The following ERAP1 variants were observed in gnomAD, a reference collection of about 807,000 sequenced individuals.
The protein encoded by ERAP1 is adipocyte-derived leucine aminopeptidase.
ERAP1 carries 86 observed loss-of-function variants against 103.7 expected under a neutral mutation model. The observed-to-expected ratio is 0.83, with a 90% CI of 0.70 to 0.99. The LOEUF (loss-of-function observed/expected upper bound fraction) is 0.99. ERAP1 is among the 50% of genes least tolerant of loss of function. The pLI is 0.00. For missense variants in ERAP1, 1,009 were observed against 1,128.4 expected (o/e 0.89, Z 1.52); for synonymous variants, 398 against 402.4 (o/e 0.99, Z 0.13).
chr5:96,790,110 C>T (rs576965326), intron 10 of ERAP1, among the ~76,000 whole-genome samples, 186 bp downstream of exon 10: 11 of 152,172 alleles, frequency 7.2e-5, no homozygotes, highest in Non-Finnish European at 1.3e-4. Context: ...CTGCAACCCT[C>T]CAGTATAGAT....
At chr5:96,933,211 CTTTTT>C in the ERAP1 span, among the ~76,000 whole-genome samples, 1 of 72,808 alleles carries the variant, frequency 1.4e-5, no homozygotes, top group African/African-American at 6.0e-5. Flanking sequence ...AAAACCACGT[CTTTTT>C]TTTTTTTTTT....
the ERAP1 span, among the ~76,000 whole-genome samples, chr5:96,909,309 T>C: frequency 2.0e-5 from 3 of 152,218 alleles, no homozygotes; most frequent in Admixed American, 2.0e-4. Flanking sequence ...ACCAGGATCA[T>C]GTGCAAAACA....
At chr5:96,839,870 G>A in the ERAP1 span, among the ~76,000 whole-genome samples, 2 of 152,028 alleles carry the variant, frequency 1.3e-5, no homozygotes, top group African/African-American at 4.8e-5. Flanking sequence ...CAAATCTCCT[G>A]ACCTCATCTG....
the ERAP1 span, chr5:96,909,071 A>G: frequency 2.5e-6 from 4 of 1,614,170 alleles, no homozygotes; most frequent in Non-Finnish European, 3.4e-6. Flanking sequence ...TCGTTTTACC[A>G]CATGATGGAC....
At chr5:96,799,306 CA>C (rs1777728664) in intron 3 of ERAP1, among the ~76,000 whole-genome samples, 1 of 152,088 alleles carries the variant, frequency 6.6e-6, no homozygotes, top group African/African-American at 2.4e-5. Flanking sequence ...TTCTGGTCTC[CA>C]AAAAGATCTT....
At chr5:96,827,172 G>A in the ERAP1 span, among the ~76,000 whole-genome samples, 6 of 151,952 alleles carry the variant, frequency 3.9e-5, no homozygotes, top group Non-Finnish European at 8.8e-5. Flanking sequence ...CTGCTTTTTT[G>A]CTTGGATTTT....
intron 8 of ERAP1, among the ~76,000 whole-genome samples, chr5:96,791,807 AT>A (rs1254986195): frequency 1.3e-5 from 2 of 152,248 alleles, no homozygotes; most frequent in Non-Finnish European, 2.9e-5. Flanking sequence ...TGAATGATGA[AT>A]AAAAGCAGAG....
chr5:96,898,774 A>G, the ERAP1 span, among the ~76,000 whole-genome samples: 5 of 151,976 alleles, frequency 3.3e-5, no homozygotes, highest in Non-Finnish European at 7.4e-5. Context: ...CAAAAAACAT[A>G]TAAAGATGCT....
At chr5:96,883,690 T>C in the ERAP1 span, 4 of 1,176,172 alleles carry the variant, frequency 3.4e-6, no homozygotes, top group Non-Finnish European at 4.7e-6. Context: ...AGAAATCAAG[T>C]CTATTACCCC....
chr5:96,828,070 T>C, the ERAP1 span, among the ~76,000 whole-genome samples: 1 of 152,226 alleles, frequency 6.6e-6, no homozygotes, highest in African/African-American at 2.4e-5. Flanking sequence ...TTATTTCAAA[T>C]TTTAGCCTGA....
At chr5:96,872,865 T>C in the ERAP1 span, among the ~76,000 whole-genome samples, 1 of 152,164 alleles carries the variant, frequency 6.6e-6, no homozygotes, top group Non-Finnish European at 1.5e-5. Context: ...GAGAACACCC[T>C]AAGAGGATAG....
the ERAP1 span, among the ~76,000 whole-genome samples, chr5:96,891,618 C>A: frequency 3.1e-4 from 46 of 150,782 alleles, no homozygotes; most frequent in African/African-American, 1.0e-3. Context: ...GTGCATTATA[C>A]CTGAGTTGTT....
the ERAP1 span, chr5:96,875,860 G>C: frequency 6.6e-6 from 1 of 152,332 alleles, no homozygotes; most frequent in Non-Finnish European, 1.5e-5. Context: ...TACTGGAAAG[G>C]ATAAAGAGAG....
downstream of ERAP1, chr5:96,769,799 A>G (rs1211069041): frequency 6.7e-6 from 1 of 149,094 alleles, no homozygotes; most frequent in African/African-American, 2.5e-5. Flanking sequence ...TTTTTCTTTT[A>G]TATATATTCT....
the ERAP1 span, chr5:96,912,893 A>G: frequency 1.0e-6 from 1 of 980,042 alleles, no homozygotes; most frequent in African/African-American, 1.7e-5. Flanking sequence ...AAGGCATAAG[A>G]TAATTGAATC....
At chr5:96,838,509 A>G in the ERAP1 span, among the ~76,000 whole-genome samples, 1 of 152,224 alleles carries the variant, frequency 6.6e-6, no homozygotes, top group African/African-American at 2.4e-5. Flanking sequence ...ATAGATAGTG[A>G]TATAATAGTT....
the ERAP1 span, among the ~76,000 whole-genome samples, chr5:96,829,260 GT>G: frequency 6.6e-6 from 1 of 152,038 alleles, no homozygotes; most frequent in African/African-American, 2.4e-5. Context: ...TTTCATACTT[GT>G]TTTTTCATAT....
chr5:96,909,906 C>G, the ERAP1 span: 1 of 769,922 alleles, frequency 1.3e-6, no homozygotes, highest in Admixed American at 2.9e-5. Flanking sequence ...GTTTCATGCT[C>G]TCACATTGTA....
the ERAP1 span, chr5:96,934,279 T>C: frequency 4.6e-5 from 7 of 152,192 alleles, no homozygotes; most frequent in Non-Finnish European, 8.8e-5. Context: ...CAAGTCTTTA[T>C]AGAGTGTTTG....
Sources: gnomAD v4.1 joint callset for allele counts (sites outside exome capture counted in the v4.1 genomes callset) on GRCh38, gnomAD v4.1.1 for gene constraint, MANE v1.5 for transcripts, NCBI Gene and HGNC (gene_info 2026-07-23, HGNC 2026-07-21) for gene names.